TRPA1: variants seen among roughly 807,000 people sequenced by gnomAD.
TRPA1 encodes the protein ankyrin-like with transmembrane domains 1.
Under a neutral mutation model 131.3 loss-of-function variants are expected in TRPA1, and 129 were observed. That is an observed-to-expected ratio of 0.98 (90% CI 0.85 to 1.14). TRPA1 has a LOEUF of 1.14. Among genes scored for constraint, TRPA1 ranks in the 50% most tolerant of loss-of-function variants. TRPA1 has a pLI of 0.00. For synonymous variants in TRPA1, 441 were observed against 451.7 expected (o/e 0.98, Z 0.30); for missense variants, 1,304 against 1,354.2 (o/e 0.96, Z 0.58).
At position 72,022,359 on chromosome 8, in the gene TRPA1, G is replaced by A. The variant is rs978509462; in HGVS notation, c.*547C>T. The A allele has an allele frequency of 5.3e-6, 1 of 188,150 alleles. No individual in the cohort carries two copies. Among genetic ancestry groups the A allele is most frequent in the East Asian group, 1.4e-4 (1 of 7,142 alleles). The allele number at this position is 188,150 out of a possible 1,614,324, so 11.7% of individuals were successfully genotyped here. On this transcript the variant is annotated 3_prime_UTR_variant, in exon 27 of 27. Coordinates refer to ENST00000262209, the MANE Select transcript of TRPA1 (RefSeq NM_007332.3). Reference sequence around the variant, plus strand: ...AGGTGTGTTGGGGACAGCAAGAAGGGTGGGGCTATTCATCACAGTAGGGAC... The same window carrying A: ...AGGTGTGTTGGGGACAGCAAGAAGGATGGGGCTATTCATCACAGTAGGGAC...
At chr8:72,075,159 T>G in intron 1 of TRPA1, 140 bp downstream of exon 1, 1 of 694,786 alleles carries the variant, frequency 1.4e-6, no homozygotes, top group Non-Finnish European at 2.6e-6. Flanking sequence ...ATTAGTAGGG[T>G]CACCTCTTGG....
At chr8:72,086,663 C>T in the TRPA1 span, among the ~76,000 whole-genome samples, 1 of 152,268 alleles carries the variant, frequency 6.6e-6, no homozygotes, top group South Asian at 2.1e-4. Flanking sequence ...TTTATTTTCT[C>T]TCTAAACTCT....
chr8:72,038,820 AT>A, intron 19 of TRPA1, 44 bp downstream of exon 19: 5 of 1,546,836 alleles, frequency 3.2e-6, no homozygotes, highest in South Asian at 1.2e-5. Flanking sequence ...GAAAAAATAC[AT>A]TTTTTATAAT....
At chr8:72,076,125 T>G (rs1043248065), upstream of TRPA1, among the ~76,000 whole-genome samples, 2 of 152,132 alleles carry the variant, frequency 1.3e-5, no homozygotes, top group Non-Finnish European at 2.9e-5. Context: ...ATCCTAGCAC[T>G]GGTTTGAGGG....
intron 9 of TRPA1, 27 bp from the exon 10 acceptor site, chr8:72,057,044 A>G (rs1173362117): frequency 1.3e-6 from 2 of 1,508,704 alleles, no homozygotes; most frequent in Admixed American, 3.6e-5. Flanking sequence ...TGTAAATATA[A>G]ATTCTATTCA....
chr8:72,023,167 C>A, intron 26 of TRPA1, 51 bp from the exon 27 acceptor site: 2 of 1,534,452 alleles, frequency 1.3e-6, no homozygotes. Flanking sequence ...TTCTTTTAGC[C>A]CTTCTGAATG....
intron 20 of TRPA1, among the ~76,000 whole-genome samples, chr8:72,036,932 T>C (rs1303246406): frequency 6.6e-6 from 1 of 152,222 alleles, no homozygotes; most frequent in African/African-American, 2.4e-5. Flanking sequence ...TTTTATGTAT[T>C]GGTCATTAAA....
chr8:72,082,377 A>C, the TRPA1 span, among the ~76,000 whole-genome samples: 1 of 152,046 alleles, frequency 6.6e-6, no homozygotes, highest in Non-Finnish European at 1.5e-5. Flanking sequence ...TTTTAAAAGA[A>C]ATTAAAAGAA....
At chr8:72,076,036 T>G (rs1806177899), upstream of TRPA1, among the ~76,000 whole-genome samples, 1 of 152,166 alleles carries the variant, frequency 6.6e-6, no homozygotes, top group Non-Finnish European at 1.5e-5. Context: ...CACGTGCACC[T>G]TCTTCTGGCG....
rs1312503185 is a variant in TRPA1 at position 72,033,688 on chromosome 8, C to T, written c.2824G>A (p.Val942Ile). ...ATTGGGACAAATATTGTGAAGGAAA[C>T]AAGTTGTGCAAAGGACAGAACTGGA... Reference protein sequence around the residue: ...AHPVLSFAQLVSFTIFVPIVL... With the variant: ...AHPVLSFAQLISFTIFVPIVL... Residue 942 changes from valine (V) to isoleucine (I), a missense_variant, in exon 23 of 27, where the codon GTT becomes ATT. Val to Ile is a conservative substitution (Grantham distance 29). Coordinates refer to ENST00000262209, the MANE Select transcript of TRPA1 (RefSeq NM_007332.3). The T allele has an allele frequency of 6.2e-7, 1 of 1,613,896 alleles. No homozygotes were observed. Among genetic ancestry groups the T allele is most frequent in the Non-Finnish European group, 8.5e-7 (1 of 1,179,974 alleles).
At chr8:72,088,415 G>A in the TRPA1 span, among the ~76,000 whole-genome samples, 2 of 141,110 alleles carry the variant, frequency 1.4e-5, no homozygotes, top group East Asian at 4.4e-4. Flanking sequence ...CAGATGGGAA[G>A]GAGGGTAGAT....
chr8:72,083,668 T>G, the TRPA1 span, among the ~76,000 whole-genome samples: 5,829 of 151,808 alleles, frequency 0.038, 380 homozygotes, highest in African/African-American at 0.13. Context: ...GCATGAACCC[T>G]GGAGGCGGAG....
Position 72,056,985 on chromosome 8 carries a change from G to A in TRPA1, c.1126C>T (p.Arg376Cys), listed in dbSNP as rs778839762. 50 of 1,608,004 alleles carry A rather than the reference G, an allele frequency of 3.1e-5. No individual in the cohort carries two copies. The highest frequency in any genetic ancestry group is 1.6e-4 in the East Asian group (7 of 44,598). ...TGTACAGTTAAATGCAGAAAATTAC[G>A]TCCAAAATTATCTTTTATGTCTACT... ...AQVDIKDNFG[R>C]NFLHLTVQQP... The change falls in exon 10 of 27, where the codon CGT becomes TGT. Residue 376 changes from arginine to cysteine, a missense_variant. By Grantham distance (180) the Arg-to-Cys change is radical. Transcript: ENST00000262209.
chr8:72,055,619 T>A lies in TRPA1; in HGVS notation c.1365-19A>T, dbSNP rs769830734. 1 of 1,613,596 alleles carries A rather than the reference T, an allele frequency of 6.2e-7. No individual in the cohort carries two copies. The highest frequency in any genetic ancestry group is 8.5e-7 in the Non-Finnish European group (1 of 1,179,644). ...CCCATAACTTGGAAAAAATTAGGTTTCATATTTTCAAGGCAAATATTAAAC... is the reference window on the plus strand; with the variant it reads ...CCCATAACTTGGAAAAAATTAGGTTACATATTTTCAAGGCAAATATTAAAC... On this transcript the variant is annotated intron_variant, in intron 11 of 26. Transcript: ENST00000262209.
chr8:72,028,333 A>G (rs568279819), intron 24 of TRPA1, among the ~76,000 whole-genome samples: 2 of 152,302 alleles, frequency 1.3e-5, no homozygotes, highest in African/African-American at 4.8e-5. Flanking sequence ...ATCTGCAGCA[A>G]TCTAATCACC....
At chr8:72,033,600 T>G in intron 23 of TRPA1, 44 bp downstream of exon 23, 1 of 1,537,184 alleles carries the variant, frequency 6.5e-7, no homozygotes, top group Non-Finnish European at 8.9e-7. Context: ...TATAAAATGT[T>G]TCAAATGATC....
At chr8:72,045,378 G>C (rs776142121) in intron 17 of TRPA1, among the ~76,000 whole-genome samples, 1 of 151,696 alleles carries the variant, frequency 6.6e-6, no homozygotes, top group East Asian at 1.9e-4. Flanking sequence ...GAGCAGTGTC[G>C]TCTAATAGAA....
At chr8:72,037,719 T>C (rs1440077625) in intron 20 of TRPA1, among the ~76,000 whole-genome samples, 3 of 152,084 alleles carry the variant, frequency 2.0e-5, no homozygotes, top group Non-Finnish European at 4.4e-5. Context: ...AGTTCACTCA[T>C]AATGACCATT....
intron 10 of TRPA1, chr8:72,056,218 C>T (rs1319064547): frequency 3.2e-6 from 1 of 311,922 alleles, no homozygotes; most frequent in East Asian, 7.9e-5. Flanking sequence ...CACCCAACAG[C>T]TTCATGTTAA....
Sources: gnomAD v4.1 joint callset for allele counts (sites outside exome capture counted in the v4.1 genomes callset) on GRCh38, gnomAD v4.1.1 for gene constraint, MANE v1.5 for transcripts, NCBI Gene and HGNC (gene_info 2026-07-23, HGNC 2026-07-21) for gene names.